The following ANKRD6 variants were observed in gnomAD, a reference collection of about 807,000 sequenced individuals.
ANKRD6 encodes ankyrin repeat domain-containing protein 6.
ANKRD6 carries 56 observed loss-of-function variants against 82.3 expected under a neutral mutation model. The observed-to-expected ratio is 0.68, with a 90% CI of 0.55 to 0.85. The LOEUF (loss-of-function observed/expected upper bound fraction) is 0.85. Among genes scored for constraint, ANKRD6 ranks in the 40% least tolerant of loss-of-function variants. The pLI, the probability that ANKRD6 is intolerant of heterozygous loss-of-function variation, is 0.00. For synonymous variants in ANKRD6, 347 were observed against 352.1 expected (o/e 0.99, Z 0.16); for missense variants, 852 against 907.6 (o/e 0.94, Z 0.79).
At chr6:89,541,387 C>CCT (rs1784427994) in intron 1 of ANKRD6, among the ~76,000 whole-genome samples, 1 of 64,076 alleles carries the variant, frequency 1.6e-5, no homozygotes, top group Non-Finnish European at 2.7e-5. Flanking sequence ...TTACGTGTGG[C>CCT]TTTTTTTTTT....
At chr6:89,544,584 G>T (rs1269433672) in intron 1 of ANKRD6, among the ~76,000 whole-genome samples, 1 of 152,058 alleles carries the variant, frequency 6.6e-6, no homozygotes, top group Non-Finnish European at 1.5e-5. Context: ...CGTAGTGGCA[G>T]GCGCCTGTAG....
intron 3 of ANKRD6, chr6:89,598,052 T>G (rs1189723960): frequency 6.3e-6 from 6 of 952,712 alleles, no homozygotes; most frequent in Non-Finnish European, 7.5e-6. Flanking sequence ...CAGAGAATGT[T>G]AATGATATGA....
intron 1 of ANKRD6, among the ~76,000 whole-genome samples, chr6:89,525,403 T>A (rs559148403): frequency 6.6e-6 from 1 of 152,330 alleles, no homozygotes; most frequent in East Asian, 1.9e-4. Flanking sequence ...TCCTGCCTGT[T>A]TCTCACTGGG....
At chr6:89,534,326 C>T (rs747123966) in intron 1 of ANKRD6, among the ~76,000 whole-genome samples, 1 of 151,820 alleles carries the variant, frequency 6.6e-6, no homozygotes, top group African/African-American at 2.4e-5. Context: ...AGGTGTAAAG[C>T]CTATAATTAC....
chr6:89,448,675 T>C (rs1193639959), intron 1 of ANKRD6, among the ~76,000 whole-genome samples: 1 of 152,182 alleles, frequency 6.6e-6, no homozygotes, highest in Non-Finnish European at 1.5e-5. Context: ...TCATGCCTAC[T>C]AAACACAACA....
intron 1 of ANKRD6, among the ~76,000 whole-genome samples, chr6:89,505,480 C>T (rs1009701201): frequency 1.3e-5 from 2 of 152,176 alleles, no homozygotes; most frequent in Non-Finnish European, 2.9e-5. Flanking sequence ...ATCTGGTCCT[C>T]TGGCAGGGCT....
At chr6:89,569,758 G>A (rs1789365966) in intron 2 of ANKRD6, among the ~76,000 whole-genome samples, 1 of 152,140 alleles carries the variant, frequency 6.6e-6, no homozygotes, top group Admixed American at 6.5e-5. Context: ...GTGCTTGCCT[G>A]TCTTTTTTTA....
intron 1 of ANKRD6, among the ~76,000 whole-genome samples, chr6:89,474,973 G>A (rs958369549): frequency 6.6e-6 from 1 of 152,118 alleles, no homozygotes; most frequent in South Asian, 2.1e-4. Context: ...GAAATTATTT[G>A]TGTTTTTACT....
chr6:89,602,835 C>G, intron 3 of ANKRD6, 194 bp from the exon 4 acceptor site: 1 of 529,892 alleles, frequency 1.9e-6, no homozygotes, highest in Non-Finnish European at 3.4e-6. Context: ...AACAAAATTT[C>G]TCTGCCAGCG....
At chr6:89,565,738 A>G (rs1167027855) in intron 1 of ANKRD6, among the ~76,000 whole-genome samples, 1 of 152,202 alleles carries the variant, frequency 6.6e-6, no homozygotes, top group East Asian at 1.9e-4. Context: ...CCAGACCTTC[A>G]GAGTTAGGAT....
At chr6:89,542,480 C>T (rs1784553780) in intron 1 of ANKRD6, among the ~76,000 whole-genome samples, 1 of 152,080 alleles carries the variant, frequency 6.6e-6, no homozygotes, top group Non-Finnish European at 1.5e-5. Flanking sequence ...GAAAGGGAAA[C>T]TTCATCTTGT....
Sources: allele counts gnomAD v4.1 joint callset (sites outside exome capture counted in the v4.1 genomes callset), GRCh38; gene constraint gnomAD v4.1.1; transcripts MANE v1.5; gene names NCBI Gene and HGNC (gene_info 2026-07-23, HGNC 2026-07-21).